NSMCE2: variants seen among roughly 807,000 people sequenced by gnomAD.
NSMCE2 encodes E3 SUMO-protein ligase NSE2.
Under a neutral mutation model 23.8 loss-of-function variants are expected in NSMCE2, and 24 were observed. That is an observed-to-expected ratio of 1.01 (90% CI 0.73 to 1.42). NSMCE2 has a LOEUF of 1.42. Among genes scored for constraint, NSMCE2 ranks in the 40% most tolerant of loss-of-function variants. The probability of loss-of-function intolerance (pLI) is 0.00; values close to 1 mark genes in which losing one functional copy is unlikely to be tolerated. For synonymous variants in NSMCE2, 92 were observed against 94.1 expected, an observed-to-expected ratio of 0.98 and a Z score of 0.13; for missense variants, 284 against 296.5, an observed-to-expected ratio of 0.96 and a Z score of 0.31.
At chr8:125,221,195 A>AAGGGG (rs1824845390) in intron 5 of NSMCE2, among the ~76,000 whole-genome samples, 2 of 152,228 alleles carry the variant, frequency 1.3e-5, no homozygotes, top group African/African-American at 2.4e-5. Context: ...GGATAGTCTA[A>AAGGGG]ATGAGTCTCA....
intron 3 of NSMCE2, among the ~76,000 whole-genome samples, chr8:125,125,777 A>G (rs1257483976): frequency 1.3e-5 from 2 of 152,234 alleles, no homozygotes; most frequent in African/African-American, 4.8e-5. Context: ...AGTCAGAGAC[A>G]AAGGTCTTTA....
chr8:125,352,154 A>G (rs1451310764), intron 5 of NSMCE2, among the ~76,000 whole-genome samples: 1 of 152,122 alleles, frequency 6.6e-6, no homozygotes, highest in Non-Finnish European at 1.5e-5. Context: ...GCTATATAAC[A>G]TTCAGTAAAT....
chr8:125,275,205 TC>T (rs998144845), intron 5 of NSMCE2, among the ~76,000 whole-genome samples: 3 of 152,092 alleles, frequency 2.0e-5, no homozygotes, highest in African/African-American at 7.2e-5. Flanking sequence ...AATGTCTTTC[TC>T]TCACTCCATT....
chr8:125,366,569 A>C (rs1020401978), intron 7 of NSMCE2, among the ~76,000 whole-genome samples, 199 bp from the exon 8 acceptor site: 3 of 152,190 alleles, frequency 2.0e-5, no homozygotes, highest in African/African-American at 7.2e-5. Context: ...CACTACTCAC[A>C]TATCGCTTGT....
At chr8:125,113,907 G>A (rs2130446251) in intron 3 of NSMCE2, among the ~76,000 whole-genome samples, 1 of 152,280 alleles carries the variant, frequency 6.6e-6, no homozygotes, top group East Asian at 1.9e-4. Flanking sequence ...GAGGGTAGAG[G>A]AGTAGTGTGA....
At chr8:125,201,246 A>G (rs1380159874) in intron 5 of NSMCE2, among the ~76,000 whole-genome samples, 1 of 152,188 alleles carries the variant, frequency 6.6e-6, no homozygotes, top group Non-Finnish European at 1.5e-5. Flanking sequence ...GGAGGAGAAG[A>G]GGCACTTTGG....
intron 5 of NSMCE2, among the ~76,000 whole-genome samples, chr8:125,345,418 G>A (rs1030967962): frequency 6.6e-6 from 1 of 152,102 alleles, no homozygotes; most frequent in Non-Finnish European, 1.5e-5. Flanking sequence ...TCTTTTTATT[G>A]TGGTAAATTT....
At chr8:125,330,122 T>C (rs1371122684) in intron 5 of NSMCE2, among the ~76,000 whole-genome samples, 1 of 151,526 alleles carries the variant, frequency 6.6e-6, no homozygotes, top group Non-Finnish European at 1.5e-5. Context: ...TTCAGAAGGA[T>C]GGAAACAAGT....
chr8:125,140,048 C>T (rs1820280131), intron 3 of NSMCE2, among the ~76,000 whole-genome samples: 1 of 152,128 alleles, frequency 6.6e-6, no homozygotes, highest in South Asian at 2.1e-4. Context: ...GATTACTGTC[C>T]CAAGAACCTC....
At chr8:125,248,785 T>C (rs1192576745) in intron 5 of NSMCE2, among the ~76,000 whole-genome samples, 1 of 152,256 alleles carries the variant, frequency 6.6e-6, no homozygotes, top group East Asian at 1.9e-4. Flanking sequence ...AAGACAGTCA[T>C]TGGAAGTATG....
At chr8:125,121,706 T>G (rs549254939) in intron 3 of NSMCE2, among the ~76,000 whole-genome samples, 60 of 152,162 alleles carry the variant, frequency 3.9e-4, no homozygotes, top group Admixed American at 7.9e-4. Context: ...ATAGCCAACT[T>G]GTGATGCTTT....
At chr8:125,200,325 C>T (rs1207596278) in intron 5 of NSMCE2, among the ~76,000 whole-genome samples, 2 of 152,132 alleles carry the variant, frequency 1.3e-5, no homozygotes, top group African/African-American at 4.8e-5. Context: ...TTGTTCCTTT[C>T]CATGTTTAGT....
intron 5 of NSMCE2, among the ~76,000 whole-genome samples, chr8:125,285,045 T>G (rs1219356023): frequency 1.3e-5 from 2 of 152,204 alleles, no homozygotes. Context: ...CTAAATATAG[T>G]CTGAATTAGA....
intron 5 of NSMCE2, among the ~76,000 whole-genome samples, chr8:125,280,034 T>A (rs1827631035): frequency 6.6e-6 from 1 of 152,236 alleles, no homozygotes; most frequent in Admixed American, 6.5e-5. Context: ...GCAGGGACCA[T>A]CTTTATGTTC....
Position 125,344,742 on chromosome 8 carries a change from C to CAA in NSMCE2, c.419-12465_419-12464dup, listed in dbSNP as rs11389668. Among the ~76,000 whole-genome samples, 1,247 of 142,346 alleles carry CAA rather than the reference C, an allele frequency of 8.8e-3. 9 individuals are homozygous for CAA. The highest frequency in any genetic ancestry group is 0.025 in the African/African-American group (958 of 38,602). 93.4% of individuals were successfully genotyped at this position (142,346 alleles called of 152,430 possible). A position where few individuals can be genotyped will look rare whatever the true frequency, so the allele number is the denominator to read the frequency against. On this transcript the variant is annotated intron_variant, in intron 5 of 7. Coordinates refer to ENST00000287437, the MANE Select transcript of NSMCE2 (RefSeq NM_173685.4). Reference sequence around the variant, plus strand: ...TGGCTGACAGAGCAAGACTTCATCTCAAAAAAAAAAAAAGAAAAGAAAATT... The same window carrying CAA: ...TGGCTGACAGAGCAAGACTTCATCTCAAAAAAAAAAAAAAAGAAAAGAAAATT...
intron 3 of NSMCE2, among the ~76,000 whole-genome samples, chr8:125,106,176 CAAGTATT>C (rs1458573566): frequency 6.6e-6 from 1 of 152,098 alleles, no homozygotes; most frequent in African/African-American, 2.4e-5. Context: ...AGGACATAAA[CAAGTATT>C]AAGTAGTTCT....
At chr8:125,237,906 C>T (rs760664118) in intron 5 of NSMCE2, among the ~76,000 whole-genome samples, 8 of 152,196 alleles carry the variant, frequency 5.3e-5, no homozygotes, top group Non-Finnish European at 8.8e-5. Context: ...ATAATGTGCA[C>T]ATTCCAGTTA....
chr8:125,176,893 TC>T (rs1822526281), intron 4 of NSMCE2, among the ~76,000 whole-genome samples: 2 of 152,206 alleles, frequency 1.3e-5, no homozygotes, highest in South Asian at 4.1e-4. Context: ...CCTCACCACT[TC>T]CTATTGGCCT....
intron 5 of NSMCE2, among the ~76,000 whole-genome samples, chr8:125,270,026 A>G (rs1356156095): frequency 6.6e-6 from 1 of 152,222 alleles, no homozygotes; most frequent in African/African-American, 2.4e-5. Context: ...GAGAATTTCA[A>G]TACAGTCTTG....
Sources: allele counts gnomAD v4.1 joint callset (sites outside exome capture counted in the v4.1 genomes callset), GRCh38; gene constraint gnomAD v4.1.1; transcripts MANE v1.5; gene names NCBI Gene and HGNC (gene_info 2026-07-23, HGNC 2026-07-21).